Variants in NEK2 observed in about 807,000 individuals in gnomAD.
The protein encoded by NEK2 is serine/threonine-protein kinase Nek2.
NEK2 carries 28 observed loss-of-function variants against 54.1 expected under a neutral mutation model. That is an observed-to-expected ratio of 0.52 (90% CI 0.38 to 0.71). The LOEUF is 0.71. Ranked by LOEUF, NEK2 falls within the 30% of genes least tolerant of loss-of-function variation. NEK2 has a pLI of 0.00. For synonymous variants in NEK2, 176 were observed against 193.1 expected (o/e 0.91, Z 0.73); for missense variants, 407 against 531.5 (o/e 0.77, Z 2.30).
At chr1:211,673,746 G>A (rs1655481745) in intron 2 of NEK2, 23 bp from the exon 3 acceptor site, 1 of 1,601,436 alleles carries the variant, frequency 6.2e-7, no homozygotes, top group African/African-American at 1.3e-5. Context: ...CAGTTATACA[G>A]CATATAACTT....
chr1:211,668,064 G>T (rs776713456), intron 6 of NEK2, among the ~76,000 whole-genome samples: 10 of 151,584 alleles, frequency 6.6e-5, no homozygotes, highest in Non-Finnish European at 5.9e-5. Context: ...AAAAAGAAAA[G>T]AAATTATGAA....
chr1:211,673,837 T>C (rs1655484987), intron 2 of NEK2, 114 bp from the exon 3 acceptor site: 2 of 1,133,330 alleles, frequency 1.8e-6, no homozygotes, highest in South Asian at 3.6e-5. Flanking sequence ...TTTATTTATA[T>C]TTTTTGAGAC....
At chr1:211,660,850 A>G, downstream of NEK2, 1 of 713,418 alleles carries the variant, frequency 1.4e-6, no homozygotes, top group Non-Finnish European at 2.6e-6. Flanking sequence ...ACATGCTTCC[A>G]GAAGCATAGC....
At position 211,675,587 on chromosome 1, in the gene NEK2, G is replaced by T; in HGVS notation, c.-108C>A. On this transcript the variant is annotated 5_prime_UTR_variant, in exon 1 of 8. In the 5' UTR this introduces an upstream ATG that the reference lacks. Coordinates refer to ENST00000366999, the MANE Select transcript of NEK2 (RefSeq NM_002497.4). Reference sequence around the variant, plus strand: ...ACCTGGATGGAGAAGCCCCCGAGCAGCACTGACCCGCCACCCCTGCCTTGG... The same window carrying T: ...ACCTGGATGGAGAAGCCCCCGAGCATCACTGACCCGCCACCCCTGCCTTGG... The T allele has an allele frequency of 1.2e-6, 1 of 808,422 alleles. No homozygotes were observed. The highest frequency in any genetic ancestry group is 2.0e-6 in the Non-Finnish European group (1 of 494,694). 50.1% of individuals were successfully genotyped at this position (808,422 alleles called of 1,614,324 possible). A position where few individuals can be genotyped will look rare whatever the true frequency, so the allele number is the denominator to read the frequency against.
downstream of NEK2, chr1:211,661,245 C>T: frequency 1.5e-6 from 1 of 682,712 alleles, no homozygotes; most frequent in Non-Finnish European, 2.7e-6. Context: ...TTTTTGATCT[C>T]CATTCATTCT....
At chr1:211,664,783 A>G (rs1453135110) in intron 7 of NEK2, among the ~76,000 whole-genome samples, 3 of 152,212 alleles carry the variant, frequency 2.0e-5, no homozygotes, top group Non-Finnish European at 4.4e-5. Flanking sequence ...AAATACCTTT[A>G]CATTTGTAAG....
At chr1:211,673,388 T>G (rs1558230291) in intron 3 of NEK2, 95 bp downstream of exon 3, 8 of 1,499,246 alleles carry the variant, frequency 5.3e-6, no homozygotes, top group Non-Finnish European at 6.4e-6. Context: ...CACTCCAGCC[T>G]GGGCAACAGA....
In NEK2 at chr1:211,663,264, T is replaced by C; in HGVS notation, c.*162A>G. 4 of 1,402,810 alleles carry C rather than the reference T, an allele frequency of 2.9e-6. No homozygotes were observed. The highest frequency in any genetic ancestry group is 3.7e-6 in the Non-Finnish European group (4 of 1,076,182). 86.9% of individuals were successfully genotyped at this position (1,402,810 alleles called of 1,614,324 possible). On this transcript the variant is annotated 3_prime_UTR_variant, in exon 8 of 8. Coordinates refer to ENST00000366999, the MANE Select transcript of NEK2 (RefSeq NM_002497.4). ...AATTAAATGTGAACATTTTGTACAA[T>C]AGTTGCTGAAGAACAGTAAAACCAA... is the stretch of plus-strand genomic sequence containing the variant.
At position 211,670,372 on chromosome 1, in the gene NEK2, G is replaced by A; in HGVS notation, c.674C>T (p.Ala225Val). 6.2e-7 allele frequency: 1 copy of A among 1,613,804 alleles called. No homozygotes were observed. Among genetic ancestry groups the A allele is most frequent in the South Asian group, 1.1e-5 (1 of 91,062 alleles). Residue 225 changes from alanine (A) to valine (V), a missense_variant, in exon 5 of 8, where the codon GCT becomes GTT. Ala to Val is a moderately conservative substitution (Grantham distance 64). Coordinates refer to ENST00000366999, the MANE Select transcript of NEK2 (RefSeq NM_002497.4). Reference sequence around the variant, plus strand: ...GAATTTGCCTTCTCTGATTTTCCCAGCGAGTTCTTTCTGGCTAAAAGCTGT... The same window carrying A: ...GAATTTGCCTTCTCTGATTTTCCCAACGAGTTCTTTCTGGCTAAAAGCTGT... ...PFTAFSQKEL[A>V]GKIREGKFRR...
At chr1:211,658,802 A>ATGG (rs955446741), downstream of NEK2, 2 of 288,426 alleles carry the variant, frequency 6.9e-6, no homozygotes, top group Non-Finnish European at 1.4e-5. Flanking sequence ...GCATATCCCC[A>ATGG]TGGTTGGTAA....
At chr1:211,667,018 G>A (rs1306148298) in intron 7 of NEK2, 88 bp downstream of exon 7, 4 of 1,568,062 alleles carry the variant, frequency 2.6e-6, no homozygotes, top group Non-Finnish European at 2.6e-6. Context: ...TAAATGAAAA[G>A]GGCTACCTAA....
At position 211,675,460 on chromosome 1, in the gene NEK2, T is replaced by A; in HGVS notation, c.20A>T (p.Asp7Val). MPSRAE[D>V]YEVLYTIGTG... ...GCCAATGGTGTACAACACTTCATAG[T>A]CCTCAGCCCGGGAAGGCATGGCCGG... The change falls in exon 1 of 8, where the codon GAC becomes GTC. Residue 7 changes from aspartate (D) to valine (V), a missense_variant. Coordinates refer to ENST00000366999, the MANE Select transcript of NEK2 (RefSeq NM_002497.4). The A allele has an allele frequency of 6.2e-7, 1 of 1,613,464 alleles. No homozygotes were observed. The highest frequency in any genetic ancestry group is 8.5e-7 in the Non-Finnish European group (1 of 1,179,718).
At chr1:211,669,082 C>A in intron 6 of NEK2, 31 bp downstream of exon 6, 2 of 1,581,644 alleles carry the variant, frequency 1.3e-6, no homozygotes, top group Non-Finnish European at 1.7e-6. Context: ...CTTGGTAGTT[C>A]TCCTTTGCTT....
chr1:211,670,132 T>A (rs1655324263), intron 5 of NEK2, 149 bp downstream of exon 5: 1 of 785,694 alleles, frequency 1.3e-6, no homozygotes, highest in Non-Finnish European at 1.8e-6. Context: ...CAAATTTACA[T>A]ATGTTTTCAC....
chr1:211,669,351 G>A lies in NEK2; in HGVS notation c.766-19C>T. The A allele has an allele frequency of 6.3e-7, 1 of 1,598,972 alleles. No homozygotes were observed. The highest frequency in any genetic ancestry group is 1.7e-5 in the Admixed American group (1 of 59,976). On this transcript the variant is annotated intron_variant, in intron 5 of 7. Coordinates refer to ENST00000366999, the MANE Select transcript of NEK2 (RefSeq NM_002497.4). ...GGTAATCCTGGGGAAAAAATACTCA[G>A]TATTATAGTCAGATTGCATAACAGA...
chr1:211,666,797 T>C, intron 7 of NEK2: 1 of 765,010 alleles, frequency 1.3e-6, no homozygotes, highest in Non-Finnish European at 1.6e-6. Context: ...AGACTCCATC[T>C]CAAAAAAAAT....
intron 7 of NEK2, among the ~76,000 whole-genome samples, chr1:211,663,982 G>A (rs1655096067): frequency 2.0e-5 from 3 of 151,562 alleles, no homozygotes; most frequent in Admixed American, 1.3e-4. Context: ...ATTTATCTCT[G>A]TCCTTGAAAA....
chr1:211,674,307 T>A lies in NEK2; in HGVS notation c.303A>T (p.Gly101=). 1.2e-6 allele frequency: 2 copies of A among 1,609,246 alleles called. No homozygotes were observed. The highest frequency in any genetic ancestry group is 1.7e-6 in the Non-Finnish European group (2 of 1,176,934). Residue 101 remains glycine, a synonymous_variant, in exon 2 of 8, where the codon GGA becomes GGT. Transcript: ENST00000366999. The part of the protein sequence containing the change: ...GGDLASVITK[G]TKERQYLDEE... ...AAGATTATGCTTACCTTTCCTTGGTTCCCTTTGTAATTACACTAGCCAGAT... is the reference window on the plus strand; with the variant it reads ...AAGATTATGCTTACCTTTCCTTGGTACCCTTTGTAATTACACTAGCCAGAT...
At chr1:211,660,925 A>G (rs1351116774), downstream of NEK2, 76 of 741,412 alleles carry the variant, frequency 1.0e-4, no homozygotes, top group Non-Finnish European at 3.0e-5. Context: ...CCAGTGGGTG[A>G]GGGATGAATC....
Sources: gnomAD v4.1 joint callset for allele counts (sites outside exome capture counted in the v4.1 genomes callset) on GRCh38, gnomAD v4.1.1 for gene constraint, MANE v1.5 for transcripts, NCBI Gene and HGNC (gene_info 2026-07-23, HGNC 2026-07-21) for gene names.